Variants in RFX7 observed in about 807,000 individuals in gnomAD.
The protein encoded by RFX7 is DNA-binding protein RFX7.
A neutral mutation model predicts 111.8 loss-of-function variants in RFX7; 26 were observed. The observed-to-expected ratio is 0.23, with a 90% CI of 0.17 to 0.32. The LOEUF (loss-of-function observed/expected upper bound fraction) is 0.32, where lower values mean the gene tolerates loss of function less well. Among genes scored for constraint, RFX7 ranks in the 10% least tolerant of loss-of-function variants. The probability of loss-of-function intolerance (pLI) is 1.00; values close to 1 mark genes in which losing one functional copy is unlikely to be tolerated. For synonymous variants in RFX7, 624 were observed against 624.4 expected, an observed-to-expected ratio of 1.00 and a Z score of 0.01; for missense variants, 1,573 against 1,772.9, an observed-to-expected ratio of 0.89 and a Z score of 2.02.
rs2042353157 is a variant in RFX7 at position 56,139,329 on chromosome 15, T to G, written c.401+3449A>C. Among the ~76,000 whole-genome samples the G allele has an allele frequency of 2.6e-5, 4 of 152,124 alleles. No individual in the cohort carries two copies. In the South Asian group the frequency reaches 8.3e-4, roughly 31 times the overall value. ...TTTGCTCATTTCTTTTTATTCTTTT[T>G]TCTCTAAAATTCCCTTCTCGCTTCA... is the stretch of plus-strand genomic sequence containing the variant. On this transcript the variant is annotated intron_variant, in intron 5 of 9. Transcript: ENST00000559447.
intron 5 of RFX7, among the ~76,000 whole-genome samples, chr15:56,116,393 G>C (rs978548510): frequency 3.3e-5 from 5 of 152,288 alleles, no homozygotes; most frequent in East Asian, 3.9e-4. Context: ...CATATTTGTT[G>C]ACTGGTTGCA....
intron 2 of RFX7, among the ~76,000 whole-genome samples, chr15:56,189,600 C>CA (rs1303896568): frequency 6.6e-6 from 1 of 152,026 alleles, no homozygotes; most frequent in Non-Finnish European, 1.5e-5. Flanking sequence ...AGATATTTCA[C>CA]AAAAAAGGTA....
At chr15:56,162,564 A>G (rs2042733208) in intron 3 of RFX7, among the ~76,000 whole-genome samples, 1 of 152,070 alleles carries the variant, frequency 6.6e-6, no homozygotes, top group Non-Finnish European at 1.5e-5. Context: ...GTTTATAATC[A>G]TGAAACACAA....
intron 2 of RFX7, among the ~76,000 whole-genome samples, chr15:56,210,473 G>T (rs1466718155): frequency 6.6e-6 from 1 of 151,960 alleles, no homozygotes; most frequent in East Asian, 1.9e-4. Context: ...GGATATAAAG[G>T]ACTTTTATAG....
At chr15:56,222,257 G>GT (rs1394354469) in intron 2 of RFX7, among the ~76,000 whole-genome samples, 5 of 151,968 alleles carry the variant, frequency 3.3e-5, no homozygotes, top group Admixed American at 6.6e-5. Context: ...TGTATATCAC[G>GT]TATCTTCCCC....
intron 5 of RFX7, among the ~76,000 whole-genome samples, chr15:56,110,135 GA>G (rs2041897041): frequency 7.3e-6 from 1 of 136,188 alleles, no homozygotes; most frequent in Non-Finnish European, 1.6e-5. Flanking sequence ...GTCCGGGAGG[GA>G]GGTGGGGGGG....
Position 56,094,809 on chromosome 15 carries a change from C to G in RFX7, c.2919G>C (p.Gln973His), listed in dbSNP as rs1273835289. ...AGCAAGGGCTCTCCCGTGACAGACT[C>G]TGAGATCCAGCAATCATTTCAGATG... ...TPTSEMIAGS[Q>H]SLSRESPCSR... The change falls in exon 10 of 10, where the codon CAG (glutamine) becomes CAC (histidine). Residue 973 changes from glutamine (Q) to histidine (H), a missense_variant. By Grantham distance (24) the Gln-to-His change is conservative. Around this residue, in one of 7 missense-constraint regions of RFX7, gnomAD observed 625 missense variants for 632.2 expected, o/e 0.99. Coordinates refer to ENST00000559447, the MANE Select transcript of RFX7 (RefSeq NM_022841.7). The G allele has an allele frequency of 6.3e-7, 1 of 1,589,238 alleles. No individual in the cohort carries two copies. Among genetic ancestry groups the G allele is most frequent in the South Asian group, 1.1e-5 (1 of 87,436 alleles).
intron 5 of RFX7, among the ~76,000 whole-genome samples, chr15:56,117,808 A>ATT (rs2042027405): frequency 6.6e-6 from 1 of 152,076 alleles, no homozygotes; most frequent in Admixed American, 6.5e-5. Flanking sequence ...ACAGGATCTT[A>ATT]TTTTTAATGG....
At chr15:56,126,572 T>C (rs188035471) in intron 5 of RFX7, among the ~76,000 whole-genome samples, 31 of 152,294 alleles carry the variant, frequency 2.0e-4, no homozygotes, top group African/African-American at 7.5e-4. Context: ...AGTAATTACA[T>C]TAAATGTAAA....
intron 5 of RFX7, among the ~76,000 whole-genome samples, chr15:56,137,980 C>G (rs1254374734): frequency 6.6e-6 from 1 of 151,192 alleles, no homozygotes; most frequent in Non-Finnish European, 1.5e-5. Context: ...GTCTGAGAGA[C>G]AGTTTGTTAT....
chr15:56,124,968 T>C (rs1191656542), intron 5 of RFX7, among the ~76,000 whole-genome samples: 1 of 152,224 alleles, frequency 6.6e-6, no homozygotes, highest in African/African-American at 2.4e-5. Context: ...TGTTTTCTTC[T>C]GCTAATTTTG....
intron 3 of RFX7, among the ~76,000 whole-genome samples, chr15:56,157,668 C>T (rs2042670366): frequency 6.6e-6 from 1 of 152,248 alleles, no homozygotes; most frequent in Non-Finnish European, 1.5e-5. Context: ...GCAACCTCCA[C>T]CTCCCAGGTT....
At chr15:56,130,685 A>G (rs955565415) in intron 5 of RFX7, among the ~76,000 whole-genome samples, 10 of 152,080 alleles carry the variant, frequency 6.6e-5, no homozygotes, top group African/African-American at 2.4e-4. Context: ...AGCACCTAAT[A>G]AATGAAAAAA....
chr15:56,139,400 G>A (rs1470878165), intron 5 of RFX7, among the ~76,000 whole-genome samples: 1 of 152,088 alleles, frequency 6.6e-6, no homozygotes, highest in African/African-American at 2.4e-5. Flanking sequence ...TCTTCCAGTT[G>A]ATCGCATCGG....
At chr15:56,206,029 T>C (rs188905784) in intron 2 of RFX7, among the ~76,000 whole-genome samples, 96 of 152,318 alleles carry the variant, frequency 6.3e-4, no homozygotes, top group African/African-American at 2.3e-3. Flanking sequence ...GAAAACAGTA[T>C]GGTGGTTCAT....
intron 8 of RFX7, among the ~76,000 whole-genome samples, chr15:56,100,310 TACAATGAATAA>T (rs1442679820): frequency 1.3e-4 from 20 of 152,290 alleles, no homozygotes; most frequent in Non-Finnish European, 2.4e-4. Context: ...TGCTGGTCAG[TACAATGAATAA>T]ACAGACTTAG....
At chr15:56,138,420 A>G (rs1310790212) in intron 5 of RFX7, among the ~76,000 whole-genome samples, 3 of 150,132 alleles carry the variant, frequency 2.0e-5, no homozygotes, top group African/African-American at 7.3e-5. Flanking sequence ...CTGTTTTATC[A>G]GAGAATAGTA....
chr15:56,105,985 C>T (rs2041824845), intron 5 of RFX7, among the ~76,000 whole-genome samples: 1 of 152,146 alleles, frequency 6.6e-6, no homozygotes, highest in South Asian at 2.1e-4. Context: ...TGGTGTCTAG[C>T]ATATGGCATT....
At chr15:56,235,866 T>A (rs1193988811) in intron 2 of RFX7, among the ~76,000 whole-genome samples, 2 of 152,178 alleles carry the variant, frequency 1.3e-5, no homozygotes, top group African/African-American at 4.8e-5. Context: ...TGGGTTCAGA[T>A]AATTTATTTT....
Sources: allele counts gnomAD v4.1 joint callset (sites outside exome capture counted in the v4.1 genomes callset), GRCh38; gene constraint gnomAD v4.1.1; regional missense constraint gnomAD v4.1.1; transcripts MANE v1.5; gene names NCBI Gene and HGNC (gene_info 2026-07-23, HGNC 2026-07-21).